PLP1: variants seen among roughly 807,000 people sequenced by gnomAD.
PLP1 encodes the protein myelin proteolipid protein.
Under a neutral mutation model 18.5 loss-of-function variants are expected in PLP1, and 2 were observed. The ratio of observed to expected loss-of-function variants is 0.11; its 90% confidence interval spans 0.04 to 0.34. The LOEUF is 0.34. Among genes scored for constraint, PLP1 ranks in the 10% least tolerant of loss-of-function variants. The pLI, the probability that PLP1 is intolerant of heterozygous loss-of-function variation, is 1.00. For synonymous variants in PLP1, 86 were observed against 83.2 expected (o/e 1.03, Z -0.19); for missense variants, 105 against 207.3 (o/e 0.51, Z 3.03).
rs745702467 is a variant in PLP1, at chrX:103,790,481, C to A, written c.763-46C>A. 22 of 943,911 alleles carry A rather than the reference C, an allele frequency of 2.3e-5. No homozygotes were observed. The Admixed American group carries it at 4.8e-4, about 21-fold the overall frequency. 77.8% of individuals were successfully genotyped at this position (943,911 alleles called of 1,213,427 possible). ...CCCAAAGGGATTTGAGGAGGGAGTG[C>A]TTTCTTTTCTACTCTCATTCACATT... On this transcript the variant is annotated intron_variant, in intron 6 of 6. Transcript: ENST00000621218.
At chrX:103,790,280 A>G (rs1466433714) in intron 6 of PLP1, among the ~76,000 whole-genome samples, 2 of 112,667 alleles carry the variant, frequency 1.8e-5, no homozygotes, top group Admixed American at 9.3e-5. Context: ...GAGGTGTGGA[A>G]TAAATCTTTA....
In PLP1 at chrX:103,788,367, G is replaced by T. The variant is rs2074516432; in HGVS notation, c.623-70G>T. On this transcript the variant is annotated intron_variant, in intron 4 of 6. Coordinates refer to ENST00000621218, the MANE Select transcript of PLP1 (RefSeq NM_000533.5). ...TAATTAGAGATGGAAGAAGGGCTCT[G>T]GGGGAAAGTCTCCATGTGGCCCCGT... 3.9e-6 allele frequency: 3 copies of T among 769,278 alleles called. No homozygotes were observed. The Admixed American group carries it at 6.6e-5, about 17-fold the overall frequency. 63.4% of individuals were successfully genotyped at this position (769,278 alleles called of 1,213,427 possible). A position where few individuals can be genotyped will look rare whatever the true frequency, so the allele number is the denominator to read the frequency against.
Position 103,783,249 on chromosome X carries a change from C to T in PLP1, c.5-2333C>T, listed in dbSNP as rs1197020109. On this transcript the variant is annotated intron_variant, in intron 1 of 6. Coordinates refer to ENST00000621218, the MANE Select transcript of PLP1 (RefSeq NM_000533.5). ...GCATGCATGTGCGTGTGCACACACA[C>T]AGACACACCCATGGGCCAGCTCTGA... Among the ~76,000 whole-genome samples, 3 of 112,290 alleles carry T rather than the reference C, an allele frequency of 2.7e-5. 1 individual carries two copies. Among genetic ancestry groups the T allele is most frequent in the African/African-American group, 9.7e-5 (3 of 30,884 alleles).
chrX:103,790,661 C>T lies in PLP1; in HGVS notation c.*63C>T, dbSNP rs1019286371. 6 of 824,578 alleles carry T rather than the reference C, an allele frequency of 7.3e-6. No individual in the cohort carries two copies. Among genetic ancestry groups the T allele is most frequent in the African/African-American group, 6.0e-5 (3 of 49,645 alleles). The allele number at this position is 824,578 out of a possible 1,213,427, so 68.0% of individuals were successfully genotyped here. A position where few individuals can be genotyped will look rare whatever the true frequency, so the allele number is the denominator to read the frequency against. On this transcript the variant is annotated 3_prime_UTR_variant, in exon 7 of 7. Coordinates refer to ENST00000621218, the MANE Select transcript of PLP1 (RefSeq NM_000533.5). ...TCTAACCACACAGCCTACAATGCTGCGTCTCCCATCTTAACTCTTTGCCTT... is the reference window on the plus strand; with the variant it reads ...TCTAACCACACAGCCTACAATGCTGTGTCTCCCATCTTAACTCTTTGCCTT...
At chrX:103,789,233 G>A in intron 5 of PLP1, 100 bp from the exon 6 acceptor site, 1 of 673,061 alleles carries the variant, frequency 1.5e-6, no homozygotes, top group Non-Finnish European at 2.5e-6. Flanking sequence ...TAGCACACAA[G>A]AAAGATATCA....
intron 2 of PLP1, 111 bp downstream of exon 2, chrX:103,785,879 G>A: frequency 1.3e-6 from 1 of 792,379 alleles, no homozygotes; most frequent in South Asian, 2.1e-5. Flanking sequence ...GGTGGAGCCA[G>A]ACCGGATTCC....
intron 2 of PLP1, 131 bp from the exon 3 acceptor site, chrX:103,786,334 G>A: frequency 9.7e-7 from 1 of 1,032,642 alleles, no homozygotes; most frequent in African/African-American, 1.8e-5. Context: ...GAGGAACCTG[G>A]TGATTCCTCT....
At chrX:103,790,398 T>G in intron 6 of PLP1, 129 bp from the exon 7 acceptor site, 1 of 584,070 alleles carries the variant, frequency 1.7e-6, no homozygotes, top group Middle Eastern at 3.2e-4. Context: ...TACTGCTTTT[T>G]GCAGAGCATG....
rs192084979 is a variant in PLP1 at position 103,784,913 on chromosome X, T to C, written c.5-669T>C. Among the ~76,000 whole-genome samples, 903 of 112,394 alleles carry C rather than the reference T, an allele frequency of 8.0e-3. 6 individuals carry two copies. Among genetic ancestry groups the C allele is most frequent in the African/African-American group, 0.028 (853 of 30,947 alleles). ...TAGTGAGTATTCCATAAATAGTTGA[T>C]GAATGACTAAAATAAGCAAGCAAAC... On this transcript the variant is annotated intron_variant, in intron 1 of 6. Transcript: ENST00000621218.
intron 6 of PLP1, among the ~76,000 whole-genome samples, chrX:103,789,675 T>A (rs1602385961): frequency 8.9e-6 from 1 of 112,191 alleles, no homozygotes; most frequent in Admixed American, 9.4e-5. Context: ...GAACATGTAA[T>A]GTTGCCAAGT....
intron 1 of PLP1, chrX:103,781,337 T>G (rs1602377500): frequency 3.1e-6 from 1 of 323,425 alleles, no homozygotes; most frequent in Non-Finnish European, 6.1e-6. Context: ...TTGATCTCTG[T>G]CAGACCGCTG....
chrX:103,787,890 C>T lies in PLP1; in HGVS notation c.546C>T (p.Thr182=). Residue 182 remains threonine, a synonymous_variant, in exon 4 of 7, where the codon ACC becomes ACT. Coordinates refer to ENST00000621218, the MANE Select transcript of PLP1 (RefSeq NM_000533.5). ...VPVYIYFNTW[T]TCQSIAFPSK... is the part of the protein sequence containing the mutation. The stretch of plus-strand genomic sequence containing the variant: ...TGTACATTTACTTCAACACCTGGAC[C>T]ACCTGCCAGTCTATTGCCTTCCCCA... 3 of 1,208,314 alleles carry T rather than the reference C, an allele frequency of 2.5e-6. No individual in the cohort carries two copies. The highest frequency in any genetic ancestry group is 3.0e-5 in the East Asian group (1 of 33,834).
In PLP1 at chrX:103,791,258, T is replaced by C. The variant is rs1270487405; in HGVS notation, c.*660T>C. On this transcript the variant is annotated 3_prime_UTR_variant, in exon 7 of 7. Transcript: ENST00000621218. The stretch of plus-strand genomic sequence containing the variant: ...AACTCAGCCAACCTTACTTACAGCA[T>C]AAGGGAGCGTAGAATCTGTGTAGAC... The C allele has an allele frequency of 8.8e-6, 1 of 113,984 alleles. No individual in the cohort carries two copies. Among genetic ancestry groups the C allele is most frequent in the Non-Finnish European group, 1.8e-5 (1 of 54,364 alleles). The allele number at this position is 113,984 out of a possible 1,213,427, so 9.4% of individuals were successfully genotyped here. A position where few individuals can be genotyped will look rare whatever the true frequency, so the allele number is the denominator to read the frequency against.
At chrX:103,786,869 GA>G in intron 3 of PLP1, 143 bp downstream of exon 3, 1 of 623,890 alleles carries the variant, frequency 1.6e-6, no homozygotes, top group Non-Finnish European at 2.6e-6. Context: ...AGCCGAACGA[GA>G]AGGTCAGGAA....
intron 1 of PLP1, 128 bp from the exon 2 acceptor site, chrX:103,785,430 TGCTGAAAGCCAAAACCTCTAGCCG>T (rs2074486560): frequency 2.0e-6 from 1 of 511,128 alleles, no homozygotes; most frequent in Admixed American, 3.0e-5. Flanking sequence ...CAATCTCACA[TGCTGAAAGCCAAAACCTCTAGCCG>T]CTCCTGCTTT....
intron 1 of PLP1, among the ~76,000 whole-genome samples, chrX:103,778,720 A>G (rs1352316467): frequency 2.7e-5 from 3 of 111,630 alleles, no homozygotes; most frequent in Non-Finnish European, 5.6e-5. Flanking sequence ...GGCCAGGTAC[A>G]TATGATGGAG....
rs761919527 is a variant in PLP1 at position 103,790,547 on chromosome X, C to T, written c.783C>T (p.Ala261=). The change falls in exon 7 of 7, where the codon GCC becomes GCT. Residue 261 remains alanine, a synonymous_variant. Coordinates refer to ENST00000621218, the MANE Select transcript of PLP1 (RefSeq NM_000533.5). ...LVSLLTFMIA[A]TYNFAVLKLM... The stretch of plus-strand genomic sequence containing the variant: ...TACAGCTCACCTTCATGATTGCTGC[C>T]ACTTACAACTTTGCCGTCCTTAAAC... 4 of 1,207,949 alleles carry T rather than the reference C, an allele frequency of 3.3e-6. No homozygotes were observed. The highest frequency in any genetic ancestry group is 4.5e-6 in the Non-Finnish European group (4 of 891,971).
intron 2 of PLP1, 186 bp from the exon 3 acceptor site, chrX:103,786,278 AC>A (rs751201822): frequency 1.2e-4 from 134 of 1,092,326 alleles, no homozygotes; most frequent in Non-Finnish European, 1.6e-4. Flanking sequence ...GGTCACATAC[AC>A]CCTGTCTTCA....
At chrX:103,788,387 C>A in intron 4 of PLP1, 50 bp from the exon 5 acceptor site, 2 of 902,822 alleles carry the variant, frequency 2.2e-6, no homozygotes, top group Admixed American at 2.2e-5. Context: ...CTCCATGTGG[C>A]CCCGTAACTC....
Sources: allele counts gnomAD v4.1 joint callset (sites outside exome capture counted in the v4.1 genomes callset), GRCh38; gene constraint gnomAD v4.1.1; transcripts MANE v1.5; gene names NCBI Gene and HGNC (gene_info 2026-07-23, HGNC 2026-07-21).